Variants in MYOM1 observed in about 807,000 individuals in gnomAD.
The protein encoded by MYOM1 is myomesin 1, also known as myomesin-1.
A neutral mutation model predicts 205.3 loss-of-function variants in MYOM1; 164 were observed. The ratio of observed to expected loss-of-function variants is 0.80; its 90% CI spans 0.70 to 0.91. The LOEUF (loss-of-function observed/expected upper bound fraction) is 0.91. Ranked by LOEUF, MYOM1 falls within the 40% of genes least tolerant of loss-of-function variation. The probability of loss-of-function intolerance (pLI) is 0.00; values close to 1 mark genes in which losing one functional copy is unlikely to be tolerated. For synonymous variants in MYOM1, 772 were observed against 789.4 expected (o/e 0.98, Z 0.37); for missense variants, 2,011 against 2,127.3 (o/e 0.95, Z 1.08).
chr18:3,070,081 G>C (rs913765891), intron 37 of MYOM1, among the ~76,000 whole-genome samples: 1 of 152,166 alleles, frequency 6.6e-6, no homozygotes, highest in African/African-American at 2.4e-5. Context: ...CCTTTGAAGT[G>C]GAAAATTTGT....
rs570551208 is a variant in MYOM1, at chr18:3,146,880, TA to T, written c.1900+2264del. Reference sequence around the variant, plus strand: ...AATAGAAAATCCATAATAAATTTCATAAAAAACCCTAATGTTTGTGAGAATT... The same window carrying T: ...AATAGAAAATCCATAATAAATTTCATAAAAACCCTAATGTTTGTGAGAATT... On this transcript the variant is annotated intron_variant, in intron 13 of 37. Coordinates refer to ENST00000356443, the MANE Select transcript of MYOM1 (RefSeq NM_003803.4). Among the ~76,000 whole-genome samples the T allele has an allele frequency of 1.9e-4, 29 of 151,694 alleles. No homozygotes were observed. In the South Asian group the frequency reaches 6.0e-3, roughly 31 times the overall value.
intron 10 of MYOM1, among the ~76,000 whole-genome samples, chr18:3,157,116 A>G (rs958413510): frequency 6.6e-6 from 1 of 152,160 alleles, no homozygotes; most frequent in Admixed American, 6.5e-5. Flanking sequence ...GGCCTATACC[A>G]CAACAACCAG....
chr18:3,128,868 G>T (rs1351889926), intron 18 of MYOM1, among the ~76,000 whole-genome samples: 1 of 152,136 alleles, frequency 6.6e-6, no homozygotes, highest in African/African-American at 2.4e-5. Flanking sequence ...TTCCAAACAT[G>T]ACTATTTCAA....
chr18:3,094,070 C>CA, intron 26 of MYOM1, 100 bp downstream of exon 26: 1 of 1,230,046 alleles, frequency 8.1e-7, no homozygotes, highest in Non-Finnish European at 1.1e-6. Flanking sequence ...CCCACTCCAC[C>CA]ACCCAGCGGT....
rs1567899392 is a variant in MYOM1 at position 3,089,613 on chromosome 18, A to AAGGAAGTGTGAAATTGAGTTGGGTGGT, written c.4010-44_4010-18dup. 6.3e-7 allele frequency: 1 copy of AAGGAAGTGTGAAATTGAGTTGGGTGGT among 1,599,990 alleles called. No homozygotes were observed. Among genetic ancestry groups the AAGGAAGTGTGAAATTGAGTTGGGTGGT allele is most frequent in the Non-Finnish European group, 8.5e-7 (1 of 1,173,362 alleles). ...TTTTGAAAACTACAAATTGAAAAAC[A>AAGGAAGTGTGAAATTGAGTTGGGTGGT]AGGAAGTGTGAAATTGAGTTGGGTG... On this transcript the variant is annotated splice_polypyrimidine_tract_variant and intron_variant, in intron 27 of 37. Coordinates refer to ENST00000356443, the MANE Select transcript of MYOM1 (RefSeq NM_003803.4).
intron 16 of MYOM1, among the ~76,000 whole-genome samples, chr18:3,132,740 A>G (rs1359600746): frequency 6.6e-6 from 1 of 152,162 alleles, no homozygotes; most frequent in Non-Finnish European, 1.5e-5. Flanking sequence ...TGAACAATGG[A>G]TTCTAGAATT....
intron 6 of MYOM1, among the ~76,000 whole-genome samples, chr18:3,175,247 G>T (rs2080620603): frequency 6.6e-6 from 1 of 152,098 alleles, no homozygotes; most frequent in Non-Finnish European, 1.5e-5. Flanking sequence ...GCATCATTTG[G>T]CCAACTCCTC....
At chr18:3,228,384 T>A in the MYOM1 span, among the ~76,000 whole-genome samples, 9 of 152,156 alleles carry the variant, frequency 5.9e-5, no homozygotes, top group South Asian at 1.0e-3. The surrounding 1 kb of genome is among the most constrained non-coding windows in gnomAD (Gnocchi z 4.5). Context: ...ATATGAACAG[T>A]CCTGCAGAAA....
rs1315666031 is a variant in MYOM1, at chr18:3,173,988, T to G, written c.1124A>C (p.Glu375Ala). ...AGCGTGGAAGCGAGTCTCATCAAAC[T>G]CTCCCTTATACCCTAGAGAAGAAAA... The part of the protein sequence containing the change: ...ASVVVKRYKG[E>A]FDETRFHAGA... The change falls in exon 8 of 38, where the codon GAG (glutamate) becomes GCG (alanine). Residue 375 changes from glutamate to alanine, a missense_variant. By Grantham distance (107) the Glu-to-Ala change is moderately radical. Coordinates refer to ENST00000356443, the MANE Select transcript of MYOM1 (RefSeq NM_003803.4). 4 of 1,613,526 alleles carry G rather than the reference T, an allele frequency of 2.5e-6. No homozygotes were observed. In the East Asian group the frequency reaches 6.7e-5, roughly 27 times the overall value.
Position 3,176,109 on chromosome 18 carries a change from C to T in MYOM1, c.955G>A (p.Val319Ile), listed in dbSNP as rs200578492. Residue 319 changes from valine to isoleucine, a missense_variant, in exon 6 of 38, where the codon GTC becomes ATC. By Grantham distance (29) the Val-to-Ile change is conservative (BLOSUM62 3). Transcript: ENST00000356443. ...TWYKNQVPIN[V>I]HANPGKYIIE... ...ATATACTTTCCAGGGTTTGCATGGA[C>T]ATTTATTGGCACCTGGTTTTTATAC... is the stretch of plus-strand genomic sequence containing the variant. 99 of 1,608,378 alleles carry T rather than the reference C, an allele frequency of 6.2e-5. No individual in the cohort carries two copies. The highest frequency in any genetic ancestry group is 9.4e-5 in the African/African-American group (7 of 74,822).
intron 19 of MYOM1, among the ~76,000 whole-genome samples, chr18:3,123,310 G>T (rs138886337): frequency 1.7e-3 from 265 of 152,106 alleles, no homozygotes; most frequent in African/African-American, 6.0e-3. Flanking sequence ...TTTAACAAAA[G>T]ACTACATATA....
intron 2 of MYOM1, among the ~76,000 whole-genome samples, chr18:3,198,357 T>C (rs1206323037): frequency 6.6e-6 from 1 of 152,224 alleles, no homozygotes; most frequent in Non-Finnish European, 1.5e-5. Context: ...AGGGTTAGGC[T>C]GCATTATTGG....
chr18:3,198,830 C>T (rs2081028076), intron 2 of MYOM1, among the ~76,000 whole-genome samples: 1 of 151,812 alleles, frequency 6.6e-6, no homozygotes, highest in South Asian at 2.1e-4. Context: ...TAGTAAAACC[C>T]TAGCTCAAGG....
intron 9 of MYOM1, among the ~76,000 whole-genome samples, chr18:3,168,096 TA>T (rs1449092211): frequency 1.3e-5 from 2 of 152,216 alleles, no homozygotes; most frequent in Non-Finnish European, 2.9e-5. Flanking sequence ...TTCAAAATTA[TA>T]AAAAGCCTTT....
chr18:3,197,192 A>G lies in MYOM1; in HGVS notation c.291-3234T>C, dbSNP rs145188181. Among the ~76,000 whole-genome samples the G allele has an allele frequency of 4.5e-3, 670 of 149,020 alleles. 3 individuals carry two copies. Among genetic ancestry groups the G allele is most frequent in the African/African-American group, 0.015 (611 of 40,256 alleles). On this transcript the variant is annotated intron_variant, in intron 2 of 37. Transcript: ENST00000356443. ...CACTCTGTCACCCAGGCTGGAGTGC[A>G]ATGGCGCGATCTCGGCTCACTGCAA...
chr18:3,234,084 A>G, the MYOM1 span, among the ~76,000 whole-genome samples: 1 of 152,304 alleles, frequency 6.6e-6, no homozygotes, highest in East Asian at 1.9e-4. Context: ...CATCTGTAAA[A>G]TGGAGGTGAC....
At position 3,189,324 on chromosome 18, in the gene MYOM1, A is replaced by G. The variant is rs1236147423; in HGVS notation, c.432-237T>C. Among the ~76,000 whole-genome samples the G allele has an allele frequency of 2.0e-5, 3 of 151,346 alleles. No individual in the cohort carries two copies. Among genetic ancestry groups the G allele is most frequent in the Admixed American group, 6.6e-5 (1 of 15,192 alleles). ...GGCCCTGGTGCTTTTCACATACACT[A>G]TCTTGTTTCATCCCCTTACAAACCC... On this transcript the variant is annotated intron_variant, in intron 3 of 37. Coordinates refer to ENST00000356443, the MANE Select transcript of MYOM1 (RefSeq NM_003803.4). This position sits in a 1 kb window ranked among gnomAD's most constrained non-coding sequence, Gnocchi z 4.8.
intron 2 of MYOM1, among the ~76,000 whole-genome samples, chr18:3,199,635 A>G (rs533206261): frequency 1.3e-5 from 2 of 152,286 alleles, no homozygotes; most frequent in South Asian, 2.1e-4. Context: ...AGGTCAAGAA[A>G]TCAAGACCAT....
intron 29 of MYOM1, among the ~76,000 whole-genome samples, chr18:3,088,798 C>T (rs2079186181): frequency 6.6e-6 from 1 of 152,110 alleles, no homozygotes. Flanking sequence ...GCACCAGCCT[C>T]ACAATTTACA....
Sources: gnomAD v4.1 joint callset for allele counts (sites outside exome capture counted in the v4.1 genomes callset) on GRCh38, gnomAD v4.1.1 for gene constraint, Gnocchi (gnomAD v3.1) non-coding constraint, MANE v1.5 for transcripts, NCBI Gene and HGNC (gene_info 2026-07-23, HGNC 2026-07-21) for gene names.